ITGA1: variants seen among roughly 807,000 people sequenced by gnomAD.
The protein encoded by ITGA1 is integrin subunit alpha 1.
ITGA1 carries 85 observed loss-of-function variants against 145.9 expected under a neutral mutation model. That is an observed-to-expected ratio of 0.58 (90% confidence interval 0.49 to 0.70). The LOEUF is 0.70. Ranked by LOEUF, ITGA1 falls within the 30% of genes least tolerant of loss-of-function variation. The pLI is 0.00. For synonymous variants in ITGA1, 520 were observed against 495.3 expected (o/e 1.05, Z -0.66); for missense variants, 1,351 against 1,418.7 (o/e 0.95, Z 0.77).
intron 1 of ITGA1, chr5:52,824,739 A>G (rs1748934444): frequency 6.6e-6 from 1 of 152,230 alleles, no homozygotes; most frequent in Non-Finnish European, 1.5e-5. Context: ...TTAAATTTGT[A>G]TTACATTATT....
chr5:52,835,404 A>G (rs1160836976), intron 1 of ITGA1, among the ~76,000 whole-genome samples: 1 of 152,046 alleles, frequency 6.6e-6, no homozygotes, highest in Non-Finnish European at 1.5e-5. Flanking sequence ...TCAACGGGGG[A>G]GTTGGGGAGA....
intron 6 of ITGA1, among the ~76,000 whole-genome samples, chr5:52,870,126 G>T (rs1356706476): frequency 6.6e-6 from 1 of 152,122 alleles, no homozygotes; most frequent in African/African-American, 2.4e-5. Context: ...TCCAAAAACT[G>T]TTTACTTGAC....
At chr5:52,889,629 C>G (rs1360880750) in intron 8 of ITGA1, 1 of 152,000 alleles carries the variant, frequency 6.6e-6, no homozygotes, top group Non-Finnish European at 1.5e-5. Flanking sequence ...GAGCCTCAGA[C>G]CTGGAGGAAA....
At chr5:52,837,507 C>T (rs1231110814) in intron 1 of ITGA1, among the ~76,000 whole-genome samples, 2 of 151,956 alleles carry the variant, frequency 1.3e-5, no homozygotes, top group African/African-American at 4.8e-5. Flanking sequence ...CCTTTTAGAC[C>T]CTATTTTTTC....
At chr5:52,871,119 C>T (rs1340103932) in intron 6 of ITGA1, among the ~76,000 whole-genome samples, 1 of 152,098 alleles carries the variant, frequency 6.6e-6, no homozygotes, top group African/African-American at 2.4e-5. Context: ...TCGTGTAAGC[C>T]CTTAGTAGAA....
Position 52,881,983 on chromosome 5 carries a change from C to A in ITGA1, c.735C>A (p.Gly245=). The A allele has an allele frequency of 1.2e-6, 2 of 1,613,144 alleles. No homozygotes were observed. The highest frequency in any genetic ancestry group is 1.1e-5 in the South Asian group (1 of 90,912). The change falls in exon 7 of 29, where the codon GGC becomes GGA. Residue 245 remains glycine (G), a synonymous_variant. Transcript: ENST00000282588. ...CAAAGAAAATAGTCCAGAGAGGTGGCCGCCAGACTATGACAGCTCTTGGAA... is the reference window on the plus strand; with the variant it reads ...CAAAGAAAATAGTCCAGAGAGGTGGACGCCAGACTATGACAGCTCTTGGAA... ...VAAKKIVQRG[G]RQTMTALGID...
chr5:52,866,167 A>T (rs1359201318), intron 6 of ITGA1, among the ~76,000 whole-genome samples: 1 of 152,156 alleles, frequency 6.6e-6, no homozygotes, highest in East Asian at 1.9e-4. Context: ...GGCATGCGCC[A>T]TCACACCTGG....
At chr5:52,805,570 GTGGGAGAGATGA>G (rs1481340036) in intron 1 of ITGA1, among the ~76,000 whole-genome samples, 2 of 152,056 alleles carry the variant, frequency 1.3e-5, no homozygotes, top group Non-Finnish European at 2.9e-5. Flanking sequence ...TTCTTGAGTG[GTGGGAGAGATGA>G]TGACACAAAA....
At chr5:52,914,111 C>T (rs1007424000) in intron 14 of ITGA1, among the ~76,000 whole-genome samples, 1 of 152,134 alleles carries the variant, frequency 6.6e-6, no homozygotes, top group African/African-American at 2.4e-5. Context: ...TCATAAACAA[C>T]TTGTTTTCTA....
rs1385852831 is a variant in ITGA1 at position 52,929,713 on chromosome 5, T to C, written c.2771+12T>C. On this transcript the variant is annotated intron_variant, in intron 21 of 28. Transcript: ENST00000282588. ...TTAAGTGCAACAAGGTTGGTTTACA[T>C]GTGTATAAATGTATGTATATGAATG... 1.4e-6 allele frequency: 2 copies of C among 1,407,834 alleles called. No homozygotes were observed. The highest frequency in any genetic ancestry group is 2.9e-5 in the African/African-American group (2 of 70,166). 87.2% of individuals were successfully genotyped at this position (1,407,834 alleles called of 1,614,324 possible). A position where few individuals can be genotyped will look rare whatever the true frequency, so the allele number is the denominator to read the frequency against.
At position 52,956,643 on chromosome 5, in the gene ITGA1, T is replaced by A. The variant is rs1485485337; in HGVS notation, c.*4192T>A. 2.6e-5 allele frequency: 4 copies of A among 152,258 alleles called. No individual in the cohort carries two copies. Among genetic ancestry groups the A allele is most frequent in the African/African-American group, 9.7e-5 (4 of 41,448 alleles). The allele number at this position is 152,258 out of a possible 1,614,324, so 9.4% of individuals were successfully genotyped here. A position where few individuals can be genotyped will look rare whatever the true frequency, so the allele number is the denominator to read the frequency against. ...TCTTTAAGACATTTACAAACTGTTA[T>A]GGGACACTATCAGCAACTACGCCTG... On this transcript the variant is annotated 3_prime_UTR_variant, in exon 29 of 29. Coordinates refer to ENST00000282588, the MANE Select transcript of ITGA1 (RefSeq NM_181501.2).
intron 2 of ITGA1, among the ~76,000 whole-genome samples, chr5:52,861,200 C>A (rs1200768456): frequency 1.3e-5 from 2 of 152,014 alleles, no homozygotes; most frequent in African/African-American, 4.8e-5. Context: ...TATGTATATA[C>A]ACACATGTAT....
intron 1 of ITGA1, among the ~76,000 whole-genome samples, chr5:52,843,945 A>T (rs187721185): frequency 1.5e-4 from 23 of 151,992 alleles, no homozygotes; most frequent in Non-Finnish European, 2.8e-4. Context: ...CATTACTGTT[A>T]TTATTATTAT....
Position 52,945,074 on chromosome 5 carries a change from A to C in ITGA1, c.3378+39A>C, listed in dbSNP as rs111916291. The C allele has an allele frequency of 4.6e-5, 66 of 1,431,186 alleles. No homozygotes were observed. The African/African-American group carries it at 7.7e-4, about 17-fold the overall frequency. The allele number at this position is 1,431,186 out of a possible 1,614,324, so 88.7% of individuals were successfully genotyped here. A position where few individuals can be genotyped will look rare whatever the true frequency, so the allele number is the denominator to read the frequency against. Reference sequence around the variant, plus strand: ...GAGTTTTGAAAACATTATGCATTTCACTCTGAATTTTGTGACATAATGTTT... The same window carrying C: ...GAGTTTTGAAAACATTATGCATTTCCCTCTGAATTTTGTGACATAATGTTT... On this transcript the variant is annotated intron_variant, in intron 27 of 28. Transcript: ENST00000282588.
intron 24 of ITGA1, 30 bp from the exon 25 acceptor site, chr5:52,939,560 G>A (rs752714804): frequency 1.4e-6 from 2 of 1,428,686 alleles, no homozygotes; most frequent in Non-Finnish European, 2.0e-6. Context: ...ATCTGGCATT[G>A]TCTGATAAAT....
At chr5:52,948,615 G>A (rs1226282273) in intron 28 of ITGA1, among the ~76,000 whole-genome samples, 1 of 152,176 alleles carries the variant, frequency 6.6e-6, no homozygotes, top group Non-Finnish European at 1.5e-5. Flanking sequence ...TATAGCCAAT[G>A]TCCAGCTCTT....
intron 1 of ITGA1, among the ~76,000 whole-genome samples, chr5:52,847,315 A>G (rs1312739042): frequency 6.6e-6 from 1 of 152,176 alleles, no homozygotes; most frequent in Non-Finnish European, 1.5e-5. Flanking sequence ...AAGATTATAA[A>G]TTAGAGTAGT....
intron 1 of ITGA1, among the ~76,000 whole-genome samples, chr5:52,831,455 C>A (rs1210495566): frequency 6.6e-6 from 1 of 151,812 alleles, no homozygotes; most frequent in African/African-American, 2.4e-5. Flanking sequence ...CAGAGGGTTA[C>A]CCAAACTAAG....
chr5:52,943,864 G>A (rs907591198), intron 26 of ITGA1, among the ~76,000 whole-genome samples: 5 of 152,132 alleles, frequency 3.3e-5, no homozygotes, highest in African/African-American at 4.8e-5. Context: ...AGGACACCCC[G>A]CAGCTCAGAG....
Sources: gnomAD v4.1 joint callset for allele counts (sites outside exome capture counted in the v4.1 genomes callset) on GRCh38, gnomAD v4.1.1 for gene constraint, MANE v1.5 for transcripts, NCBI Gene and HGNC (gene_info 2026-07-23, HGNC 2026-07-21) for gene names.